LANCL3: variants seen among roughly 807,000 people sequenced by gnomAD.
The protein encoded by LANCL3 is lanC-like protein 3.
A neutral mutation model predicts 26.5 loss-of-function variants in LANCL3; 19 were observed. That is an observed-to-expected ratio of 0.72 (90% CI 0.50 to 1.05). The LOEUF (loss-of-function observed/expected upper bound fraction) is 1.05, where lower values mean the gene tolerates loss of function less well. Ranked by LOEUF, LANCL3 falls within the 50% of genes least tolerant of loss-of-function variation. The pLI, the probability that LANCL3 is intolerant of heterozygous loss-of-function variation, is 0.00. For missense variants in LANCL3, 318 were observed against 362.7 expected (o/e 0.88, Z 1.00); for synonymous variants, 160 against 166.6 (o/e 0.96, Z 0.30).
intron 1 of LANCL3, among the ~76,000 whole-genome samples, chrX:37,634,592 C>G (rs1482444588): frequency 3.6e-5 from 4 of 112,590 alleles, no homozygotes; most frequent in African/African-American, 9.7e-5. Flanking sequence ...TGGCTGTCCC[C>G]TTTGTAATGT....
At chrX:37,648,219 T>C (rs936919139) in intron 1 of LANCL3, among the ~76,000 whole-genome samples, 77 of 112,367 alleles carry the variant, frequency 6.9e-4, no homozygotes, top group Non-Finnish European at 1.0e-3. Flanking sequence ...TAGTCATAGT[T>C]AGAAAAAATA....
chrX:37,652,964 C>T (rs1196968127), intron 1 of LANCL3, among the ~76,000 whole-genome samples: 1 of 111,649 alleles, frequency 9.0e-6, no homozygotes, highest in Non-Finnish European at 1.9e-5. Context: ...TTAATGAACT[C>T]TGTTTTTAGT....
intron 1 of LANCL3, among the ~76,000 whole-genome samples, chrX:37,595,636 C>T (rs1249525503): frequency 1.8e-5 from 2 of 112,459 alleles, no homozygotes; most frequent in Non-Finnish European, 3.8e-5. Flanking sequence ...TGATTGTAAA[C>T]ATCTTTTAGG....
chrX:37,598,441 A>G (rs782428803), intron 1 of LANCL3, among the ~76,000 whole-genome samples: 88 of 112,002 alleles, frequency 7.9e-4, no homozygotes, highest in African/African-American at 2.7e-3. Context: ...ACCGAGGTAG[A>G]GCACTCTGAT....
In LANCL3 at chrX:37,601,689, C is replaced by T. The variant is rs143100205; in HGVS notation, c.573+29246C>T. On this transcript the variant is annotated intron_variant, in intron 1 of 4. Transcript: ENST00000378619. ...CATTGCCTTTTTTGCCTTATGGTTGCAGATAATGTGTGGAAGCTCCAGATA... is the reference window on the plus strand; with the variant it reads ...CATTGCCTTTTTTGCCTTATGGTTGTAGATAATGTGTGGAAGCTCCAGATA... Among the ~76,000 whole-genome samples the T allele has an allele frequency of 1.7e-4, 19 of 111,916 alleles. 1 individual carries two copies. The East Asian group carries it at 5.3e-3, about 31-fold the overall frequency.
At chrX:37,664,145 G>A (rs1926484850) in intron 3 of LANCL3, among the ~76,000 whole-genome samples, 1 of 111,640 alleles carries the variant, frequency 9.0e-6, no homozygotes, top group African/African-American at 3.3e-5. Context: ...TTGCTGGCAA[G>A]GTAAAGCTGA....
intron 1 of LANCL3, among the ~76,000 whole-genome samples, chrX:37,639,192 T>G (rs1556425653): frequency 9.8e-6 from 1 of 102,244 alleles, no homozygotes; most frequent in Non-Finnish European, 2.0e-5. Flanking sequence ...TACATACATA[T>G]ACACACACAT....
chrX:37,606,713 C>T (rs183110084), intron 1 of LANCL3, among the ~76,000 whole-genome samples: 27 of 111,797 alleles, frequency 2.4e-4, no homozygotes, highest in African/African-American at 8.1e-4. Context: ...AGCAGTCCCA[C>T]GTACGTGTAC....
chrX:37,599,170 A>G (rs1378384421), intron 1 of LANCL3, among the ~76,000 whole-genome samples: 1 of 112,084 alleles, frequency 8.9e-6, no homozygotes, highest in Non-Finnish European at 1.9e-5. Context: ...TAGGAACTTT[A>G]TGAACAATTA....
At chrX:37,655,580 G>A in intron 1 of LANCL3, 108 bp from the exon 2 acceptor site, 2 of 622,715 alleles carry the variant, frequency 3.2e-6, no homozygotes, top group South Asian at 4.0e-5. Context: ...TTTACATATA[G>A]TACAGGATTC....
intron 1 of LANCL3, among the ~76,000 whole-genome samples, chrX:37,592,019 C>T (rs782768401): frequency 4.8e-4 from 53 of 111,136 alleles, no homozygotes; most frequent in African/African-American, 1.3e-3. Context: ...AGGCCCAAGG[C>T]ACAGTCCAGG....
rs782759168 is a variant in LANCL3 at position 37,677,414 on chromosome X, G to C, written c.*1601G>C. 1.8e-5 allele frequency: 2 copies of C among 111,547 alleles called. No individual in the cohort carries two copies. Among genetic ancestry groups the C allele is most frequent in the Non-Finnish European group, 3.8e-5 (2 of 53,011 alleles). The allele number at this position is 111,547 out of a possible 1,213,427, so 9.2% of individuals were successfully genotyped here. ...TTCTCAAAGAATCTGACCAAAGAAAGGTAACAACTATCTTTGTGTATTTTA... is the reference window on the plus strand; with the variant it reads ...TTCTCAAAGAATCTGACCAAAGAAACGTAACAACTATCTTTGTGTATTTTA... On this transcript the variant is annotated 3_prime_UTR_variant, in exon 5 of 5. Transcript: ENST00000378619.
At chrX:37,586,196 G>A (rs782718226) in intron 1 of LANCL3, among the ~76,000 whole-genome samples, 1 of 111,884 alleles carries the variant, frequency 8.9e-6, no homozygotes, top group South Asian at 3.8e-4. Flanking sequence ...CCCTTTGTGG[G>A]TAACCCGACC....
At chrX:37,652,711 G>T (rs111524261) in intron 1 of LANCL3, among the ~76,000 whole-genome samples, 1,298 of 111,545 alleles carry the variant, frequency 0.012, 24 homozygotes, top group African/African-American at 0.041. Flanking sequence ...CGGAAATGCT[G>T]CTCCCTCATT....
chrX:37,617,374 C>T (rs781844716), intron 1 of LANCL3, among the ~76,000 whole-genome samples: 2 of 111,586 alleles, frequency 1.8e-5, no homozygotes, highest in South Asian at 3.8e-4. Context: ...TCTGGGTCAG[C>T]GTCTCCTTAG....
chrX:37,584,543 T>C (rs1470524883), intron 1 of LANCL3, among the ~76,000 whole-genome samples: 2 of 111,439 alleles, frequency 1.8e-5, no homozygotes, highest in Non-Finnish European at 3.8e-5. Context: ...TGGTTTATTG[T>C]TGGGAGGGTG....
At chrX:37,622,932 T>C (rs947301035) in intron 1 of LANCL3, among the ~76,000 whole-genome samples, 1 of 112,651 alleles carries the variant, frequency 8.9e-6, no homozygotes, top group African/African-American at 3.2e-5. Context: ...TTAGCTCCTT[T>C]TGAGGATATA....
At chrX:37,611,083 C>T (rs1924856051) in intron 1 of LANCL3, among the ~76,000 whole-genome samples, 1 of 111,585 alleles carries the variant, frequency 9.0e-6, no homozygotes, top group East Asian at 2.8e-4. Context: ...CCAGAGTTGT[C>T]CCCTAGAAGG....
chrX:37,618,540 C>T (rs1221887501), intron 1 of LANCL3, among the ~76,000 whole-genome samples: 1 of 111,900 alleles, frequency 8.9e-6, no homozygotes, highest in Non-Finnish European at 1.9e-5. Context: ...AGGGTTGGTC[C>T]CTCCTGAGGG....
Sources: allele counts gnomAD v4.1 joint callset (sites outside exome capture counted in the v4.1 genomes callset), GRCh38; gene constraint gnomAD v4.1.1; transcripts MANE v1.5; gene names NCBI Gene and HGNC (gene_info 2026-07-23, HGNC 2026-07-21).